Variants in TACR3 observed in about 807,000 individuals in gnomAD.
TACR3 encodes tachykinin receptor 3, also known as neuromedin-K receptor.
A neutral mutation model predicts 35.0 loss-of-function variants in TACR3; 34 were observed. The ratio of observed to expected loss-of-function variants is 0.97; its 90% confidence interval spans 0.74 to 1.30. The LOEUF is 1.30. Ranked by LOEUF, TACR3 falls within the 50% of genes most tolerant of loss-of-function variation. The pLI, the probability that TACR3 is intolerant of heterozygous loss-of-function variation, is 0.00. For missense variants in TACR3, 558 were observed against 591.7 expected, an observed-to-expected ratio of 0.94 and a Z score of 0.59; for synonymous variants, 233 against 221.1, an observed-to-expected ratio of 1.05 and a Z score of -0.48.
At chr4:103,672,820 C>A (rs78141901) in intron 1 of TACR3, among the ~76,000 whole-genome samples, 4,727 of 152,290 alleles carry the variant, frequency 0.031, 104 homozygotes, top group Non-Finnish European at 0.049. Flanking sequence ...AATCTTTTTA[C>A]AATGTAAGAC....
chr4:103,664,435 C>T (rs1413661777), intron 1 of TACR3, among the ~76,000 whole-genome samples: 2 of 152,084 alleles, frequency 1.3e-5, no homozygotes, highest in Non-Finnish European at 2.9e-5. Flanking sequence ...TTTTACATAT[C>T]TTCAAGTTTT....
intron 2 of TACR3, 100 bp from the exon 3 acceptor site, chr4:103,656,444 G>T: frequency 1.8e-6 from 2 of 1,138,220 alleles, no homozygotes; most frequent in Non-Finnish European, 2.6e-6. Context: ...ACTACCAAGA[G>T]TTATTTCTAC....
At chr4:103,708,170 G>A (rs1722842704) in intron 1 of TACR3, among the ~76,000 whole-genome samples, 1 of 152,182 alleles carries the variant, frequency 6.6e-6, no homozygotes, top group South Asian at 2.1e-4. Flanking sequence ...TCCCAGCAGG[G>A]AGTTTGAGAT....
At chr4:103,648,647 AT>A (rs764565755) in intron 3 of TACR3, among the ~76,000 whole-genome samples, 7 of 152,062 alleles carry the variant, frequency 4.6e-5, no homozygotes, top group Non-Finnish European at 7.4e-5. Flanking sequence ...AAAGTACTCC[AT>A]TGTGTATATG....
intron 3 of TACR3, among the ~76,000 whole-genome samples, chr4:103,611,644 C>T (rs146765949): frequency 6.8e-4 from 75 of 110,644 alleles, no homozygotes; most frequent in African/African-American, 1.9e-3. Flanking sequence ...GTCTAGTAGA[C>T]AAGCATTTCC....
At chr4:103,686,478 A>C (rs964811688) in intron 1 of TACR3, among the ~76,000 whole-genome samples, 1 of 152,110 alleles carries the variant, frequency 6.6e-6, no homozygotes, top group African/African-American at 2.4e-5. Flanking sequence ...TCAAACAAAC[A>C]CTCCATAAAA....
intron 1 of TACR3, among the ~76,000 whole-genome samples, chr4:103,661,392 C>T (rs1430326411): frequency 2.0e-5 from 3 of 152,102 alleles, no homozygotes. Context: ...ATTGGTGTTT[C>T]AAAGCCAAGC....
At chr4:103,598,938 C>T (rs1262932879) in intron 3 of TACR3, among the ~76,000 whole-genome samples, 1 of 152,142 alleles carries the variant, frequency 6.6e-6, no homozygotes, top group Non-Finnish European at 1.5e-5. Flanking sequence ...GTGATGCAGG[C>T]TCTTTTTTGG....
chr4:103,635,353 G>A (rs908097184), intron 3 of TACR3, among the ~76,000 whole-genome samples: 3 of 151,932 alleles, frequency 2.0e-5, no homozygotes, highest in Non-Finnish European at 4.4e-5. Flanking sequence ...AGCGACTGGA[G>A]TCTTATCAAC....
chr4:103,680,519 A>C (rs1451302826), intron 1 of TACR3, among the ~76,000 whole-genome samples: 1 of 149,202 alleles, frequency 6.7e-6, no homozygotes, highest in Non-Finnish European at 1.5e-5. Context: ...ACACATATAT[A>C]TATACACATA....
rs1482533906 is a variant in TACR3 at position 103,586,341 on chromosome 4, C to T, written c.*3341G>A. ...CCTTATTGTTCTACATGGTCCATGT[C>T]ATTCTGGATTTCCTTAGCTTTTGAC... On this transcript the variant is annotated 3_prime_UTR_variant, in exon 5 of 5. Coordinates refer to ENST00000304883, the MANE Select transcript of TACR3 (RefSeq NM_001059.3). 6.6e-6 allele frequency: 1 copy of T among 151,814 alleles called. No homozygotes were observed. Among genetic ancestry groups the T allele is most frequent in the Non-Finnish European group, 1.5e-5 (1 of 67,958 alleles). 9.4% of individuals were successfully genotyped at this position (151,814 alleles called of 1,614,324 possible).
Position 103,665,933 on chromosome 4 carries a change from T to C in TACR3, c.549-7530A>G, listed in dbSNP as rs17304491. Among the ~76,000 whole-genome samples the C allele has an allele frequency of 8.8e-3, 1,335 of 152,318 alleles. 8 individuals carry two copies. The highest frequency in any genetic ancestry group is 0.017 in the Middle Eastern group (5 of 294). On this transcript the variant is annotated intron_variant, in intron 1 of 4. Coordinates refer to ENST00000304883, the MANE Select transcript of TACR3 (RefSeq NM_001059.3). ...CTTAGAGATTTATGAGAGAGGAGAATACACTGCCATTCTTTGTCCTGATGT... is the reference window on the plus strand; with the variant it reads ...CTTAGAGATTTATGAGAGAGGAGAACACACTGCCATTCTTTGTCCTGATGT...
At chr4:103,687,478 G>GA (rs1262637250) in intron 1 of TACR3, among the ~76,000 whole-genome samples, 2 of 152,008 alleles carry the variant, frequency 1.3e-5, no homozygotes, top group Non-Finnish European at 2.9e-5. Context: ...CAGATGACAT[G>GA]ATTGTATATC....
Position 103,643,429 on chromosome 4 carries a change from AAGAGAGAG to A in TACR3, c.888+12757_888+12764del, listed in dbSNP as rs138415563. Among the ~76,000 whole-genome samples the A allele has an allele frequency of 1.5e-3, 227 of 148,684 alleles. 2 individuals carry two copies. Among genetic ancestry groups the A allele is most frequent in the African/African-American group, 5.0e-3 (204 of 40,708 alleles). ...ACAGAGTGAGACATTGTCTAAAAAA[AAGAGAGAG>A]AGAGAGAGAGAGAGAGAGATACAGA... On this transcript the variant is annotated intron_variant, in intron 3 of 4. Coordinates refer to ENST00000304883, the MANE Select transcript of TACR3 (RefSeq NM_001059.3).
At chr4:103,653,654 A>G (rs1042300586) in intron 3 of TACR3, among the ~76,000 whole-genome samples, 1 of 152,098 alleles carries the variant, frequency 6.6e-6, no homozygotes, top group Non-Finnish European at 1.5e-5. Flanking sequence ...CTTCATGTCT[A>G]AAACACCAAA....
chr4:103,692,192 T>C (rs1722419222), intron 1 of TACR3, among the ~76,000 whole-genome samples: 2 of 152,220 alleles, frequency 1.3e-5, no homozygotes. Context: ...TGATTTCTTA[T>C]ATTAGACATT....
At chr4:103,601,692 T>A (rs1724205870) in intron 3 of TACR3, among the ~76,000 whole-genome samples, 1 of 152,200 alleles carries the variant, frequency 6.6e-6, no homozygotes, top group East Asian at 1.9e-4. Context: ...ATTCTTTTCT[T>A]TAAAAATGTT....
intron 3 of TACR3, among the ~76,000 whole-genome samples, chr4:103,620,332 A>G (rs567750731): frequency 6.6e-5 from 10 of 152,342 alleles, no homozygotes; most frequent in African/African-American, 2.2e-4. Flanking sequence ...CATGACCGCT[A>G]TGGAAATCAG....
Position 103,719,126 on chromosome 4 carries a change from A to C in TACR3, c.548+2T>G. On this transcript the variant is annotated splice_donor_variant, in intron 1 of 4. Coordinates refer to ENST00000304883, the MANE Select transcript of TACR3 (RefSeq NM_001059.3). LOFTEE classifies it high-confidence loss of function. ...TTTCCTCTCTGTCTGTCCTCTCCTC[A>C]CCTGTCCACCGCAATGGCCGTCATG... The C allele has an allele frequency of 6.2e-7, 1 of 1,613,512 alleles. No individual in the cohort carries two copies. Among genetic ancestry groups the C allele is most frequent in the South Asian group, 1.1e-5 (1 of 91,036 alleles).
Sources: gnomAD v4.1 joint callset for allele counts (sites outside exome capture counted in the v4.1 genomes callset) on GRCh38, gnomAD v4.1.1 for gene constraint, MANE v1.5 for transcripts, NCBI Gene and HGNC (gene_info 2026-07-23, HGNC 2026-07-21) for gene names.